Variants in PTPRN2 observed in about 807,000 individuals in gnomAD.
The protein encoded by PTPRN2 is protein tyrosine phosphatase receptor type N2, also known as receptor-type tyrosine-protein phosphatase N2.
PTPRN2 carries 74 observed loss-of-function variants against 118.8 expected under a neutral mutation model. The observed-to-expected ratio is 0.62, with a 90% CI of 0.52 to 0.76. The LOEUF (loss-of-function observed/expected upper bound fraction) is 0.76, where lower values mean the gene tolerates loss of function less well. Ranked by LOEUF, PTPRN2 falls within the 30% of genes least tolerant of loss-of-function variation. The pLI, the probability that PTPRN2 is intolerant of heterozygous loss-of-function variation, is 0.00. For synonymous variants in PTPRN2, 641 were observed against 608.0 expected, an observed-to-expected ratio of 1.05 and a Z score of -0.80; for missense variants, 1,481 against 1,394.4, an observed-to-expected ratio of 1.06 and a Z score of -0.99.
At chr7:157,969,848 G>C (rs1477852839) in intron 11 of PTPRN2, among the ~76,000 whole-genome samples, 1 of 152,152 alleles carries the variant, frequency 6.6e-6, no homozygotes, top group East Asian at 1.9e-4. Flanking sequence ...TCTCCTAAGG[G>C]AGAGAGGAGA....
intron 1 of PTPRN2, among the ~76,000 whole-genome samples, chr7:158,534,685 CA>C (rs1825536639): frequency 6.6e-6 from 1 of 152,208 alleles, no homozygotes; most frequent in South Asian, 2.1e-4. Flanking sequence ...TCACCCAGGC[CA>C]AAGCTAGCCT....
intron 12 of PTPRN2, among the ~76,000 whole-genome samples, chr7:157,855,605 C>A (rs528748503): frequency 2.8e-4 from 42 of 152,228 alleles, no homozygotes; most frequent in Admixed American, 1.7e-3. Flanking sequence ...ATGGGGCTTC[C>A]CTGGAAGGGG....
At chr7:157,814,031 G>C (rs986764929) in intron 12 of PTPRN2, among the ~76,000 whole-genome samples, 1 of 152,234 alleles carries the variant, frequency 6.6e-6, no homozygotes, top group Non-Finnish European at 1.5e-5. Flanking sequence ...TCAGAGCTGC[G>C]AGACTGTGCC....
At chr7:157,876,835 C>T (rs982161119) in intron 12 of PTPRN2, among the ~76,000 whole-genome samples, 4 of 152,180 alleles carry the variant, frequency 2.6e-5, no homozygotes, top group African/African-American at 7.2e-5. Context: ...AGTGCCAGCA[C>T]GGGGGCATGC....
rs980175378 is a variant in PTPRN2 at position 158,555,438 on chromosome 7, A to G, written c.112+32120T>C. Among the ~76,000 whole-genome samples, 1 of 152,106 alleles carries G rather than the reference A, an allele frequency of 6.6e-6. No individual in the cohort carries two copies. Among genetic ancestry groups the G allele is most frequent in the Non-Finnish European group, 1.5e-5 (1 of 68,010 alleles). Reference sequence around the variant, plus strand: ...CGCTCTGCCCTGCCTTCCTCGCTGAAACCTCCCAACACTGACGTCACCGGG... The same window carrying G: ...CGCTCTGCCCTGCCTTCCTCGCTGAGACCTCCCAACACTGACGTCACCGGG... On this transcript the variant is annotated intron_variant, in intron 1 of 22. Coordinates refer to ENST00000389418, the MANE Select transcript of PTPRN2 (RefSeq NM_002847.5). The surrounding 1 kb of genome is among the most constrained non-coding windows in gnomAD (Gnocchi z 4.7).
intron 12 of PTPRN2, among the ~76,000 whole-genome samples, chr7:157,888,975 A>C (rs190850223): frequency 6.6e-6 from 1 of 152,320 alleles, no homozygotes; most frequent in Non-Finnish European, 1.5e-5. Flanking sequence ...CCAGGGGAAA[A>C]CCTCACTGGG....
At chr7:158,132,476 TAC>T (rs375619329) in intron 9 of PTPRN2, among the ~76,000 whole-genome samples, 2 of 148,882 alleles carry the variant, frequency 1.3e-5, no homozygotes, top group African/African-American at 5.0e-5. Flanking sequence ...CACACTCGTA[TAC>T]ACACACGCAC....
At chr7:157,811,332 T>TTATATATATATA (rs71189737) in intron 12 of PTPRN2, among the ~76,000 whole-genome samples, 1,909 of 131,086 alleles carry the variant, frequency 0.015, 19 homozygotes, top group Middle Eastern at 0.029. Flanking sequence ...ATCTACTCTA[T>TTATATATATATA]TATATATATA....
At chr7:158,085,855 CCCA>C (rs2128937267) in intron 10 of PTPRN2, among the ~76,000 whole-genome samples, 1 of 142,842 alleles carries the variant, frequency 7.0e-6, no homozygotes, top group East Asian at 2.2e-4. Context: ...CCCATCCACA[CCCA>C]CGACGCCCAT....
rs1437153133 is a variant in PTPRN2 at position 157,874,848 on chromosome 7, TAC to T, written c.1788+23823_1788+23824del. On this transcript the variant is annotated intron_variant, in intron 12 of 22. Coordinates refer to ENST00000389418, the MANE Select transcript of PTPRN2 (RefSeq NM_002847.5). The surrounding 1 kb of genome is among the most constrained non-coding windows in gnomAD (Gnocchi z 5.8). Reference sequence around the variant, plus strand: ...ACACAGAGACACACTCATGCACATATACACACGGAGACACACTCGTGCACATA... The same window carrying T: ...ACACAGAGACACACTCATGCACATATACACGGAGACACACTCGTGCACATA... 7.0e-6 allele frequency among the ~76,000 whole-genome samples: 1 copy of T among 142,254 alleles called. No homozygotes were observed. Among genetic ancestry groups the T allele is most frequent in the Non-Finnish European group, 1.5e-5 (1 of 65,264 alleles). The allele number at this position is 142,254 out of a possible 152,430, so 93.3% of individuals were successfully genotyped here. A position where few individuals can be genotyped will look rare whatever the true frequency, so the allele number is the denominator to read the frequency against.
At chr7:158,051,699 C>A (rs1809338876) in intron 11 of PTPRN2, among the ~76,000 whole-genome samples, 1 of 152,216 alleles carries the variant, frequency 6.6e-6, no homozygotes, top group South Asian at 2.1e-4. Context: ...GTAATATGTT[C>A]ACTTCATTTT....
chr7:157,648,473 C>G (rs1435769916), intron 14 of PTPRN2, among the ~76,000 whole-genome samples: 1 of 109,374 alleles, frequency 9.1e-6, no homozygotes, highest in Non-Finnish European at 2.1e-5. Context: ...CGGACCCATC[C>G]AGCGTGCACT....
intron 11 of PTPRN2, among the ~76,000 whole-genome samples, chr7:158,057,262 C>T (rs1397189897): frequency 6.6e-6 from 1 of 152,208 alleles, no homozygotes; most frequent in African/African-American, 2.4e-5. Flanking sequence ...ACAGAATGAA[C>T]CAGAAACTTT....
At chr7:157,880,402 A>G (rs1454521182) in intron 12 of PTPRN2, among the ~76,000 whole-genome samples, 1 of 152,256 alleles carries the variant, frequency 6.6e-6, no homozygotes, top group Non-Finnish European at 1.5e-5. Flanking sequence ...ATTGCAACAC[A>G]AGTTATATTG....
intron 13 of PTPRN2, among the ~76,000 whole-genome samples, chr7:157,670,090 A>G (rs1361108767): frequency 1.3e-5 from 2 of 152,116 alleles, no homozygotes; most frequent in Non-Finnish European, 2.9e-5. Context: ...GGGAGCAGCA[A>G]GGGGCACGGC....
chr7:157,575,644 G>A (rs1393788195), intron 19 of PTPRN2, among the ~76,000 whole-genome samples: 1 of 152,096 alleles, frequency 6.6e-6, no homozygotes, highest in Non-Finnish European at 1.5e-5. Context: ...TTCAAAAATC[G>A]CTTCTTTATG....
rs1367692886 is a variant in PTPRN2 at position 158,015,042 on chromosome 7, GTC to G, written c.1723+66254_1723+66255del. On this transcript the variant is annotated intron_variant, in intron 11 of 22. Coordinates refer to ENST00000389418, the MANE Select transcript of PTPRN2 (RefSeq NM_002847.5). The surrounding 1 kb of genome is among the most constrained non-coding windows in gnomAD (Gnocchi z 4.2). Reference sequence around the variant, plus strand: ...CTTTTCCCTTTTTGCTCTCTCATTTGTCTCTCTTTTTCTTCCCTTGTATCTTG... The same window carrying G: ...CTTTTCCCTTTTTGCTCTCTCATTTGTCTCTTTTTCTTCCCTTGTATCTTG... Among the ~76,000 whole-genome samples, 3 of 152,124 alleles carry G rather than the reference GTC, an allele frequency of 2.0e-5. No homozygotes were observed. The highest frequency in any genetic ancestry group is 2.9e-5 in the Non-Finnish European group (2 of 68,034).
rs1392343885 is a variant in PTPRN2 at position 158,441,191 on chromosome 7, A to AGTGATG, written c.163+48538_163+48543dup. ...TAGCAGTGGTGGCAGTGGTGGTGAT[A>AGTGATG]GTGATGGTGATGGTGGTGGTGGTGA... On this transcript the variant is annotated intron_variant, in intron 2 of 22. Coordinates refer to ENST00000389418, the MANE Select transcript of PTPRN2 (RefSeq NM_002847.5). Among the ~76,000 whole-genome samples the AGTGATG allele has an allele frequency of 1.1e-4, 11 of 101,210 alleles. 1 individual carries two copies. In the East Asian group the frequency reaches 2.5e-3, roughly 23 times the overall value. The allele number at this position is 101,210 out of a possible 152,430, so 66.4% of individuals were successfully genotyped here. A position where few individuals can be genotyped will look rare whatever the true frequency, so the allele number is the denominator to read the frequency against.
chr7:158,445,781 G>A (rs1156880898), intron 2 of PTPRN2, among the ~76,000 whole-genome samples: 1 of 152,214 alleles, frequency 6.6e-6, no homozygotes, highest in Non-Finnish European at 1.5e-5. Flanking sequence ...TGCCCCAGAT[G>A]GCTCCTGCTC....
Sources: allele counts gnomAD v4.1 joint callset (sites outside exome capture counted in the v4.1 genomes callset), GRCh38; gene constraint gnomAD v4.1.1; non-coding constraint Gnocchi (gnomAD v3.1); transcripts MANE v1.5; gene names NCBI Gene and HGNC (gene_info 2026-07-23, HGNC 2026-07-21).